ROBO2: variants seen among roughly 807,000 people sequenced by gnomAD.
The protein encoded by ROBO2 is roundabout homolog 2.
A neutral mutation model predicts 160.8 loss-of-function variants in ROBO2; 53 were observed. That is an observed-to-expected ratio of 0.33 (90% confidence interval 0.26 to 0.41). ROBO2 has a LOEUF of 0.41. ROBO2 is among the 10% of genes least tolerant of loss of function. The pLI, the probability that ROBO2 is intolerant of heterozygous loss-of-function variation, is 1.00. For synonymous variants in ROBO2, 664 were observed against 611.7 expected, an observed-to-expected ratio of 1.09 and a Z score of -1.26; for missense variants, 1,577 against 1,722.4, an observed-to-expected ratio of 0.92 and a Z score of 1.49.
At chr3:76,129,131 C>T (rs115854803) in intron 2 of ROBO2, among the ~76,000 whole-genome samples, 8 of 151,782 alleles carry the variant, frequency 5.3e-5, no homozygotes, top group African/African-American at 1.9e-4. Flanking sequence ...ATTTCCATAC[C>T]TGCAAGTTCT....
intron 2 of ROBO2, among the ~76,000 whole-genome samples, chr3:76,994,787 C>A (rs1239674714): frequency 6.6e-6 from 1 of 152,034 alleles, no homozygotes; most frequent in Non-Finnish European, 1.5e-5. Flanking sequence ...CTTCCATAAA[C>A]CACAGATGTG....
At chr3:77,292,499 A>G (rs1359621296) in intron 2 of ROBO2, among the ~76,000 whole-genome samples, 2 of 151,850 alleles carry the variant, frequency 1.3e-5, no homozygotes, top group Non-Finnish European at 2.9e-5. Flanking sequence ...AGCACTAAAG[A>G]CATAAAGTAA....
intron 1 of ROBO2, among the ~76,000 whole-genome samples, chr3:77,088,458 A>G: frequency 6.6e-6 from 1 of 152,108 alleles, no homozygotes; most frequent in East Asian, 1.9e-4. Context: ...ACGTAGGTAA[A>G]TGTGTGCCAT....
intron 2 of ROBO2, among the ~76,000 whole-genome samples, chr3:77,397,506 G>T (rs1278463676): frequency 3.3e-5 from 5 of 152,138 alleles, no homozygotes; most frequent in Non-Finnish European, 7.4e-5. Context: ...CCAGGTTGGA[G>T]ATGAAGCCTT....
chr3:76,541,679 A>C (rs536769484), intron 2 of ROBO2, among the ~76,000 whole-genome samples: 1 of 152,180 alleles, frequency 6.6e-6, no homozygotes. Flanking sequence ...GCTTCCCTGG[A>C]GGAGGTGATT....
chr3:76,070,024 T>G (rs1206553276), intron 2 of ROBO2, among the ~76,000 whole-genome samples: 1 of 152,202 alleles, frequency 6.6e-6, no homozygotes, highest in Non-Finnish European at 1.5e-5. Context: ...AATCTCTTAA[T>G]CCTGTCAGAT....
At chr3:75,916,234 A>T (rs1946803193) in intron 1 of ROBO2, among the ~76,000 whole-genome samples, 1 of 152,180 alleles carries the variant, frequency 6.6e-6, no homozygotes, top group Admixed American at 6.5e-5. Flanking sequence ...ATCTTCGTTC[A>T]CCTTGGTAGA....
At chr3:76,935,056 A>T (rs1255868404) in intron 2 of ROBO2, among the ~76,000 whole-genome samples, 7 of 150,736 alleles carry the variant, frequency 4.6e-5, no homozygotes, top group Admixed American at 3.3e-4. Context: ...GGCTCAGGCG[A>T]TCCTCCCACC....
At chr3:75,946,496 T>A (rs1453218236) in intron 2 of ROBO2, among the ~76,000 whole-genome samples, 8 of 152,054 alleles carry the variant, frequency 5.3e-5, no homozygotes, top group African/African-American at 1.9e-4. Flanking sequence ...TAAGGTACAC[T>A]ACTGTGAAGA....
At chr3:76,350,769 C>A (rs1027944638) in intron 2 of ROBO2, among the ~76,000 whole-genome samples, 2 of 151,826 alleles carry the variant, frequency 1.3e-5, no homozygotes, top group African/African-American at 4.8e-5. Flanking sequence ...TAAAGACTTA[C>A]ATGAAACAAG....
rs1433740534 is a variant in ROBO2, at chr3:77,180,416, C to CTCTCTATATATATATA, written c.388+82077_388+82078insCTCTATATATATATAT. On this transcript the variant is annotated intron_variant, in intron 2 of 25. Coordinates refer to ENST00000461745, the Ensembl canonical transcript of ROBO2. ...TCTCTCTCTCTCTCTCTCTCTCTCT[C>CTCTCTATATATATATA]TATATATATATATATGTATTTTTTT... Among the ~76,000 whole-genome samples, 157 of 90,718 alleles carry CTCTCTATATATATATA rather than the reference C, an allele frequency of 1.7e-3. 1 individual carries two copies. The highest frequency in any genetic ancestry group is 2.0e-3 in the Non-Finnish European group (86 of 43,894). 59.5% of individuals were successfully genotyped at this position (90,718 alleles called of 152,430 possible). A position where few individuals can be genotyped will look rare whatever the true frequency, so the allele number is the denominator to read the frequency against.
intron 2 of ROBO2, among the ~76,000 whole-genome samples, chr3:76,196,556 A>G (rs1390199065): frequency 6.6e-6 from 1 of 152,096 alleles, no homozygotes; most frequent in Non-Finnish European, 1.5e-5. Flanking sequence ...TCTAAATAAT[A>G]ATTTTATCCT....
chr3:76,526,653 TC>T (rs1158442769), intron 2 of ROBO2, among the ~76,000 whole-genome samples: 1 of 152,006 alleles, frequency 6.6e-6, no homozygotes, highest in Non-Finnish European at 1.5e-5. Context: ...TAATTTTCTC[TC>T]CCAATGCAGG....
At chr3:76,298,515 A>G (rs1709197538) in intron 2 of ROBO2, among the ~76,000 whole-genome samples, 1 of 152,196 alleles carries the variant, frequency 6.6e-6, no homozygotes, top group African/African-American at 2.4e-5. Context: ...ATCAAGGGGT[A>G]TCACTGTGAT....
At chr3:76,286,944 CA>C (rs1399817294) in intron 2 of ROBO2, among the ~76,000 whole-genome samples, 1 of 152,070 alleles carries the variant, frequency 6.6e-6, no homozygotes, top group Non-Finnish European at 1.5e-5. Context: ...GCATTTAATT[CA>C]CATGTTTTCT....
chr3:76,666,905 G>C (rs1434925722), intron 2 of ROBO2, among the ~76,000 whole-genome samples: 1 of 151,838 alleles, frequency 6.6e-6, no homozygotes, highest in Non-Finnish European at 1.5e-5. Flanking sequence ...TTCATCAAGA[G>C]TTTACTGATT....
chr3:76,412,217 A>G (rs1164907583), intron 2 of ROBO2, among the ~76,000 whole-genome samples: 1 of 151,990 alleles, frequency 6.6e-6, no homozygotes, highest in Non-Finnish European at 1.5e-5. Flanking sequence ...CCCGTCATTC[A>G]TTTACCTCCC....
At chr3:76,542,953 T>G (rs2082896767) in intron 2 of ROBO2, among the ~76,000 whole-genome samples, 1 of 152,188 alleles carries the variant, frequency 6.6e-6, no homozygotes, top group African/African-American at 2.4e-5. Context: ...AGGGTCAGTT[T>G]ATCTCAGTTT....
chr3:76,391,602 G>C (rs550169938), intron 2 of ROBO2, among the ~76,000 whole-genome samples: 9 of 151,920 alleles, frequency 5.9e-5, no homozygotes, highest in Middle Eastern at 3.4e-3. Flanking sequence ...GTTCACTGCA[G>C]CCTCCGCCTC....
Sources: allele counts gnomAD v4.1 joint callset (sites outside exome capture counted in the v4.1 genomes callset), GRCh38; gene constraint gnomAD v4.1.1; transcripts MANE v1.5; gene names NCBI Gene and HGNC (gene_info 2026-07-23, HGNC 2026-07-21).